The following CACNA1E variants were observed in gnomAD, a reference collection of about 807,000 sequenced individuals.
CACNA1E encodes the protein voltage-dependent R-type calcium channel subunit alpha-1E.
A neutral mutation model predicts 259.2 loss-of-function variants in CACNA1E; 40 were observed. That is an observed-to-expected ratio of 0.15 (90% CI 0.12 to 0.20). The LOEUF (loss-of-function observed/expected upper bound fraction) is 0.20, where lower values mean the gene tolerates loss of function less well. Ranked by LOEUF, CACNA1E falls within the 10% of genes least tolerant of loss-of-function variation. The probability of loss-of-function intolerance (pLI) is 1.00; values close to 1 mark genes in which losing one functional copy is unlikely to be tolerated. For missense variants in CACNA1E, 1,874 were observed against 3,040.1 expected (o/e 0.62, Z 9.02); for synonymous variants, 1,104 against 1,138.5 (o/e 0.97, Z 0.61).
intron 44 of CACNA1E, 131 bp from the exon 45 acceptor site, chr1:181,793,534 A>G (rs1661512296): frequency 7.5e-6 from 7 of 939,386 alleles, no homozygotes; most frequent in Non-Finnish European, 1.1e-5. Flanking sequence ...ACATATACAT[A>G]CAACTGAGAC....
intron 35 of CACNA1E, among the ~76,000 whole-genome samples, chr1:181,768,481 T>TGAAA (rs1410656054): frequency 6.6e-6 from 1 of 152,208 alleles, no homozygotes; most frequent in African/African-American, 2.4e-5. Context: ...AGACAGTAAG[T>TGAAA]GAAAGAGGTG....
intron 1 of CACNA1E, among the ~76,000 whole-genome samples, chr1:181,340,143 TG>T (rs1296815379): frequency 6.6e-6 from 1 of 151,964 alleles, no homozygotes; most frequent in Non-Finnish European, 1.5e-5. Flanking sequence ...GTAGAAGACT[TG>T]GGGGAAGGAT....
intron 1 of CACNA1E, among the ~76,000 whole-genome samples, chr1:181,495,025 C>T (rs1391595478): frequency 6.6e-6 from 1 of 152,194 alleles, no homozygotes; most frequent in Non-Finnish European, 1.5e-5. Flanking sequence ...AATCAGTACA[C>T]ACTTTCATGA....
At chr1:181,355,757 T>A (rs1190428758) in intron 1 of CACNA1E, among the ~76,000 whole-genome samples, 1 of 152,214 alleles carries the variant, frequency 6.6e-6, no homozygotes, top group Non-Finnish European at 1.5e-5. Flanking sequence ...AATGCTTGTT[T>A]ACAGAGCAGC....
intron 6 of CACNA1E, 82 bp from the exon 7 acceptor site, chr1:181,651,256 C>A: frequency 2.2e-6 from 2 of 894,032 alleles, no homozygotes; most frequent in Non-Finnish European, 3.7e-6. Context: ...TTTTACATCA[C>A]CCTCTGTGCA....
Position 181,395,275 on chromosome 1 carries a change from C to G in CACNA1E, c.-14-17858C>G, listed in dbSNP as rs1291948389. The stretch of plus-strand genomic sequence containing the variant: ...TGAGAAGTATAGGAGTCAAGGACAG[C>G]TTGAGCAACCAGAAGGACAGAGCTG... On this transcript the variant is annotated intron_variant, in intron 1 of 11. Transcript: ENST00000524607. Among the ~76,000 whole-genome samples the G allele has an allele frequency of 3.3e-5, 5 of 152,126 alleles. No homozygotes were observed. In the East Asian group the frequency reaches 9.6e-4, roughly 29 times the overall value.
intron 2 of CACNA1E, among the ~76,000 whole-genome samples, chr1:181,462,100 T>C (rs771304916): frequency 6.6e-6 from 1 of 152,238 alleles, no homozygotes; most frequent in Non-Finnish European, 1.5e-5. Context: ...TTTTGAATAA[T>C]TGCAAGAATT....
At chr1:181,628,668 C>T (rs942274770) in intron 6 of CACNA1E, among the ~76,000 whole-genome samples, 1 of 152,132 alleles carries the variant, frequency 6.6e-6, no homozygotes, top group African/African-American at 2.4e-5. Flanking sequence ...AATATGGTAG[C>T]GAGAGAAAGA....
chr1:181,529,655 A>G (rs1054854908), intron 3 of CACNA1E, among the ~76,000 whole-genome samples: 1 of 152,194 alleles, frequency 6.6e-6, no homozygotes, highest in African/African-American at 2.4e-5. Flanking sequence ...TGGATGTGAG[A>G]TCTGGAGTCA....
chr1:181,643,637 T>C (rs1462456372), intron 6 of CACNA1E, among the ~76,000 whole-genome samples: 1 of 152,158 alleles, frequency 6.6e-6, no homozygotes, highest in Non-Finnish European at 1.5e-5. Flanking sequence ...TGTGGCTGCT[T>C]GTAGGTTGGG....
chr1:181,734,987 A>G lies in CACNA1E; in HGVS notation c.3262+1237A>G, dbSNP rs534011691. Reference sequence around the variant, plus strand: ...GCTGCCCCGTGATCACTGAATTGTGACCACAGGATTCCAGCCTTGCTGTTT... The same window carrying G: ...GCTGCCCCGTGATCACTGAATTGTGGCCACAGGATTCCAGCCTTGCTGTTT... On this transcript the variant is annotated intron_variant, in intron 21 of 47. Coordinates refer to ENST00000367573, the MANE Select transcript of CACNA1E (RefSeq NM_001205293.3). Among the ~76,000 whole-genome samples the G allele has an allele frequency of 1.2e-3, 180 of 152,356 alleles. 2 individuals carry two copies. Among genetic ancestry groups the G allele is most frequent in the Non-Finnish European group, 2.0e-3 (138 of 68,040 alleles).
chr1:181,651,638 A>G, intron 7 of CACNA1E, 197 bp downstream of exon 7: 1 of 510,326 alleles, frequency 2.0e-6, no homozygotes, highest in Non-Finnish European at 3.5e-6. Context: ...GATTATTCTC[A>G]GGAATTAAAA....
chr1:181,587,869 C>G (rs927621776), intron 6 of CACNA1E, among the ~76,000 whole-genome samples: 1 of 152,054 alleles, frequency 6.6e-6, no homozygotes, highest in Non-Finnish European at 1.5e-5. Flanking sequence ...GGTGAAAGAG[C>G]GAGACTCCGT....
chr1:181,796,558 T>C (rs1003625372), intron 46 of CACNA1E, 110 bp from the exon 47 acceptor site: 5 of 753,852 alleles, frequency 6.6e-6, no homozygotes, highest in Non-Finnish European at 1.0e-5. Flanking sequence ...ATGTGGTTCC[T>C]CTGAGGGCCC....
intron 3 of CACNA1E, among the ~76,000 whole-genome samples, chr1:181,525,427 A>G (rs1667282209): frequency 6.6e-6 from 1 of 152,190 alleles, no homozygotes; most frequent in Non-Finnish European, 1.5e-5. Flanking sequence ...CATGAGAAAC[A>G]ATTAGTGTAT....
chr1:181,683,227 T>C (rs1463373330), intron 7 of CACNA1E, among the ~76,000 whole-genome samples: 1 of 152,250 alleles, frequency 6.6e-6, no homozygotes, highest in Non-Finnish European at 1.5e-5. Context: ...GCAATGGCAC[T>C]GGATAGAATT....
intron 1 of CACNA1E, among the ~76,000 whole-genome samples, chr1:181,352,688 A>G (rs547371202): frequency 1.6e-4 from 25 of 152,198 alleles, no homozygotes; most frequent in Admixed American, 3.9e-4. Context: ...GTGGCAAGGC[A>G]ATTTGGAGAC....
At chr1:181,510,042 A>G (rs1365344012) in intron 1 of CACNA1E, among the ~76,000 whole-genome samples, 1 of 152,238 alleles carries the variant, frequency 6.6e-6, no homozygotes, top group Admixed American at 6.5e-5. Flanking sequence ...GGATCTGTGC[A>G]CAAGCATCGT....
At chr1:181,779,625 G>A (rs1471435316) in intron 38 of CACNA1E, 4 of 279,074 alleles carry the variant, frequency 1.4e-5, no homozygotes, top group East Asian at 9.3e-5. Context: ...CCACCACTGC[G>A]CCACATGAGG....
Sources: gnomAD v4.1 joint callset for allele counts (sites outside exome capture counted in the v4.1 genomes callset) on GRCh38, gnomAD v4.1.1 for gene constraint, MANE v1.5 for transcripts, NCBI Gene and HGNC (gene_info 2026-07-23, HGNC 2026-07-21) for gene names.